Variants in HACE1 observed in about 807,000 individuals in gnomAD.
HACE1 encodes HECT domain and ankyrin repeat containing E3 ubiquitin protein ligase 1, also known as E3 ubiquitin-protein ligase HACE1.
Under a neutral mutation model 118.4 loss-of-function variants are expected in HACE1, and 73 were observed. That is an observed-to-expected ratio of 0.62 (90% CI 0.51 to 0.75). The LOEUF (loss-of-function observed/expected upper bound fraction) is 0.75. HACE1 is among the 30% of genes least tolerant of loss of function. The probability of loss-of-function intolerance (pLI) is 0.00; values close to 1 mark genes in which losing one functional copy is unlikely to be tolerated. For missense variants in HACE1, 749 were observed against 1,102.2 expected, an observed-to-expected ratio of 0.68 and a Z score of 4.54; for synonymous variants, 368 against 374.8, an observed-to-expected ratio of 0.98 and a Z score of 0.21.
At chr6:104,849,819 T>C (rs1776019673) in intron 3 of HACE1, among the ~76,000 whole-genome samples, 1 of 151,550 alleles carries the variant, frequency 6.6e-6, no homozygotes, top group Non-Finnish European at 1.5e-5. Context: ...AGGCTACTTT[T>C]TTTTGTATTT....
chr6:104,811,242 T>TATATATATATATATATATA lies in HACE1; in HGVS notation c.617+68_617+69insTATATATATATATATATAT, dbSNP rs1177876499. ...TCTGGAAATATATATATTTCTTTAT[T>TATATATATATATATATATA]TATACATATATATATATATATATAT... is the stretch of plus-strand genomic sequence containing the variant. On this transcript the variant is annotated intron_variant, in intron 7 of 23. Coordinates refer to ENST00000262903, the MANE Select transcript of HACE1 (RefSeq NM_020771.4). The TATATATATATATATATATA allele has an allele frequency of 9.3e-4, 179 of 192,478 alleles. 2 individuals carry two copies. Among genetic ancestry groups the TATATATATATATATATATA allele is most frequent in the Admixed American group, 1.5e-3 (19 of 12,426 alleles). The allele number at this position is 192,478 out of a possible 1,614,324, so 11.9% of individuals were successfully genotyped here.
chr6:104,744,640 A>G, intron 20 of HACE1, 30 bp from the exon 21 acceptor site: 1 of 1,281,638 alleles, frequency 7.8e-7, no homozygotes, highest in Non-Finnish European at 1.1e-6. Flanking sequence ...TATTTCAATA[A>G]TTTTCTTTAG....
chr6:104,826,265 C>A (rs1304630622), intron 6 of HACE1, among the ~76,000 whole-genome samples: 1 of 152,146 alleles, frequency 6.6e-6, no homozygotes, highest in Non-Finnish European at 1.5e-5. Context: ...GTGCTATGCA[C>A]GACTCTAGAT....
chr6:104,753,150 C>T (rs763867101), intron 19 of HACE1, among the ~76,000 whole-genome samples: 5 of 152,162 alleles, frequency 3.3e-5, no homozygotes, highest in Non-Finnish European at 7.4e-5. Context: ...ACTATGAACA[C>T]CCACTACTGT....
chr6:104,777,448 G>A (rs1781334903), intron 14 of HACE1, 131 bp from the exon 15 acceptor site: 2 of 690,016 alleles, frequency 2.9e-6, no homozygotes, highest in East Asian at 2.7e-5. Flanking sequence ...AGGAGTTACT[G>A]GATAATGTTT....
At chr6:104,737,512 T>C (rs1454683723) in intron 22 of HACE1, among the ~76,000 whole-genome samples, 9 of 152,200 alleles carry the variant, frequency 5.9e-5, no homozygotes, top group African/African-American at 9.6e-5. Flanking sequence ...ATTGCCTCAC[T>C]TGGGAAGCGC....
At chr6:104,743,469 C>T (rs1296653995) in intron 22 of HACE1, among the ~76,000 whole-genome samples, 1 of 151,646 alleles carries the variant, frequency 6.6e-6, no homozygotes, top group Non-Finnish European at 1.5e-5. Flanking sequence ...TTTCTATTTT[C>T]TAACTTTCCT....
chr6:104,809,546 T>C (rs920852314), intron 7 of HACE1, among the ~76,000 whole-genome samples: 3 of 152,014 alleles, frequency 2.0e-5, no homozygotes, highest in African/African-American at 4.8e-5. Context: ...AGTGAAATCA[T>C]GGAGGTCTCA....
chr6:104,776,635 C>T, intron 17 of HACE1, 106 bp downstream of exon 17: 2 of 759,422 alleles, frequency 2.6e-6, no homozygotes, highest in Non-Finnish European at 4.8e-6. Flanking sequence ...TAAGAATATC[C>T]CACCTAGCTC....
At chr6:104,758,781 G>A (rs1779003445) in intron 19 of HACE1, among the ~76,000 whole-genome samples, 2 of 152,024 alleles carry the variant, frequency 1.3e-5, no homozygotes, top group African/African-American at 2.4e-5. Context: ...AGACCCATCA[G>A]TGTGCTGTAT....
Position 104,729,694 on chromosome 6 carries a change from G to T in HACE1, c.2698C>A (p.His900Asn). Residue 900 changes from histidine to asparagine, a missense_variant, in exon 24 of 24, where the codon CAT (histidine) becomes AAT (asparagine). By Grantham distance (68) the His-to-Asn change is moderately conservative (BLOSUM62 1). Around this residue, in one of 5 missense-constraint regions of HACE1, gnomAD observed 165 missense variants for 229.9 expected, o/e 0.72. Transcript: ENST00000262903. The part of the protein sequence containing the change: ...ILKDRLLVAL[H>N]CGSYGYTMA ...ATTGTGTAACCATAGCTGCCACAAT[G>T]TAGTGCCACAAGAAGTCTGTCCTTG... is the stretch of plus-strand genomic sequence containing the variant. 2 of 1,567,594 alleles carry T rather than the reference G, an allele frequency of 1.3e-6. No homozygotes were observed. The highest frequency in any genetic ancestry group is 1.8e-6 in the Non-Finnish European group (2 of 1,137,706).
chr6:104,795,666 T>TGC lies in HACE1; in HGVS notation c.834_835dup (p.His279ArgfsTer12). ...CTGGCTTTCACTTTGCTGAGACAAA[T>TGC]GCTCCAGAACTTGCCGTAACTAAAT... is the stretch of plus-strand genomic sequence containing the variant. On this transcript the variant is annotated frameshift_variant, in exon 10 of 24. Coordinates refer to ENST00000262903, the MANE Select transcript of HACE1 (RefSeq NM_020771.4). LOFTEE classifies it high-confidence loss of function. 1 of 1,611,362 alleles carries TGC rather than the reference T, an allele frequency of 6.2e-7. No homozygotes were observed. The highest frequency in any genetic ancestry group is 8.5e-7 in the Non-Finnish European group (1 of 1,177,598).
At position 104,771,173 on chromosome 6, in the gene HACE1, G is replaced by C; in HGVS notation, c.2211+20C>G. 2 of 1,562,584 alleles carry C rather than the reference G, an allele frequency of 1.3e-6. No individual in the cohort carries two copies. Among genetic ancestry groups the C allele is most frequent in the Non-Finnish European group, 1.8e-6 (2 of 1,133,092 alleles). On this transcript the variant is annotated intron_variant, in intron 19 of 23. Transcript: ENST00000262903. ...GGCCAAGTTACAAACAATGGTTAAGGTAAAAACTGAAATACTCACTTTATT... is the reference window on the plus strand; with the variant it reads ...GGCCAAGTTACAAACAATGGTTAAGCTAAAAACTGAAATACTCACTTTATT...
intron 5 of HACE1, among the ~76,000 whole-genome samples, chr6:104,836,003 A>G (rs1582710862): frequency 6.6e-6 from 1 of 152,234 alleles, no homozygotes; most frequent in Admixed American, 6.5e-5. Context: ...CTCAAGTCAT[A>G]TCAAACATGC....
chr6:104,839,824 C>T (rs1030331373), intron 5 of HACE1, among the ~76,000 whole-genome samples: 1 of 151,696 alleles, frequency 6.6e-6, no homozygotes, highest in Admixed American at 6.6e-5. Flanking sequence ...TGGCCAACAT[C>T]GTGAAACCCC....
At chr6:104,819,967 C>T (rs1429709163) in intron 6 of HACE1, among the ~76,000 whole-genome samples, 2 of 152,128 alleles carry the variant, frequency 1.3e-5, no homozygotes, top group African/African-American at 2.4e-5. Flanking sequence ...GAGGCCAATG[C>T]TGGTGGATCA....
intron 19 of HACE1, among the ~76,000 whole-genome samples, chr6:104,754,143 G>A (rs973307832): frequency 2.6e-5 from 4 of 151,150 alleles, no homozygotes; most frequent in African/African-American, 9.8e-5. Flanking sequence ...AGACCAAGCA[G>A]AGGAAAGAAC....
chr6:104,840,580 G>C (rs1223090872), intron 5 of HACE1, among the ~76,000 whole-genome samples: 1 of 152,124 alleles, frequency 6.6e-6, no homozygotes, highest in Non-Finnish European at 1.5e-5. Flanking sequence ...TGTAATCCGA[G>C]CACTTTGGGT....
At chr6:104,753,424 A>T (rs1778279739) in intron 19 of HACE1, among the ~76,000 whole-genome samples, 1 of 152,190 alleles carries the variant, frequency 6.6e-6, no homozygotes, top group South Asian at 2.1e-4. Flanking sequence ...CCCTGATCCC[A>T]TTCCTTGTGA....
Sources: gnomAD v4.1 joint callset for allele counts (sites outside exome capture counted in the v4.1 genomes callset) on GRCh38, gnomAD v4.1.1 for gene constraint, gnomAD v4.1.1 regional missense constraint, MANE v1.5 for transcripts, NCBI Gene and HGNC (gene_info 2026-07-23, HGNC 2026-07-21) for gene names.